SCG3: variants seen among roughly 807,000 people sequenced by gnomAD.
SCG3 encodes secretogranin-3.
In SCG3, 38 loss-of-function variants were observed where a neutral mutation model predicts 56.2. That is an observed-to-expected ratio of 0.68 (90% CI 0.52 to 0.89). SCG3 has a LOEUF of 0.89. Ranked by LOEUF, SCG3 falls within the 40% of genes least tolerant of loss-of-function variation. The pLI is 0.00. For synonymous variants in SCG3, 176 were observed against 184.2 expected (o/e 0.96, Z 0.36); for missense variants, 524 against 540.7 (o/e 0.97, Z 0.31).
intron 10 of SCG3, among the ~76,000 whole-genome samples, chr15:51,708,744 G>C (rs1026049184): frequency 6.6e-6 from 1 of 151,952 alleles, no homozygotes; most frequent in Non-Finnish European, 1.5e-5. Flanking sequence ...AGTAGTCCCA[G>C]CTACTCCGGA....
intron 1 of SCG3, 129 bp downstream of exon 1, chr15:51,681,966 C>A: frequency 3.0e-6 from 2 of 662,986 alleles, no homozygotes; most frequent in Non-Finnish European, 2.7e-6. Flanking sequence ...TGAATACGGA[C>A]AGAGAAATCA....
intron 9 of SCG3, 74 bp from the exon 10 acceptor site, chr15:51,701,033 G>C (rs954007871): frequency 6.4e-7 from 1 of 1,572,758 alleles, no homozygotes; most frequent in African/African-American, 1.4e-5. Context: ...TGTCAATAAA[G>C]TTGATTTCTA....
At chr15:51,701,943 G>C (rs2055342198) in intron 10 of SCG3, among the ~76,000 whole-genome samples, 1 of 152,106 alleles carries the variant, frequency 6.6e-6, no homozygotes. Flanking sequence ...CGTGGGGTCG[G>C]GGGATGGGGG....
chr15:51,699,270 T>C (rs1455895617), intron 8 of SCG3, 49 bp from the exon 9 acceptor site: 1 of 1,320,416 alleles, frequency 7.6e-7, no homozygotes, highest in Non-Finnish European at 1.1e-6. Context: ...AAAAATTTGA[T>C]GTCATCTCTC....
At chr15:51,690,666 C>T (rs1296385757) in intron 6 of SCG3, among the ~76,000 whole-genome samples, 4 of 150,648 alleles carry the variant, frequency 2.7e-5, no homozygotes, top group Non-Finnish European at 4.4e-5. Flanking sequence ...AAAAAAAACC[C>T]TTATGACTTT....
In SCG3 at chr15:51,719,691, C is replaced by A; in HGVS notation, c.*165C>A. 1 of 555,358 alleles carries A rather than the reference C, an allele frequency of 1.8e-6. No individual in the cohort carries two copies. The highest frequency in any genetic ancestry group is 2.5e-5 in the South Asian group (1 of 39,786). The allele number at this position is 555,358 out of a possible 1,614,324, so 34.4% of individuals were successfully genotyped here. A position where few individuals can be genotyped will look rare whatever the true frequency, so the allele number is the denominator to read the frequency against. On this transcript the variant is annotated 3_prime_UTR_variant, in exon 12 of 12. Transcript: ENST00000220478. Reference sequence around the variant, plus strand: ...AGTGGTTAAAACATAGCTTTCTTCCCGTAAAAACTATCTGAAAGTAAAGTT... The same window carrying A: ...AGTGGTTAAAACATAGCTTTCTTCCAGTAAAAACTATCTGAAAGTAAAGTT...
chr15:51,709,133 G>A (rs1158490802), intron 10 of SCG3, among the ~76,000 whole-genome samples: 1 of 152,208 alleles, frequency 6.6e-6, no homozygotes, highest in African/African-American at 2.4e-5. Flanking sequence ...AATCATGGCG[G>A]AAGGGGAAAC....
At position 51,681,774 on chromosome 15, in the gene SCG3, G is replaced by C. The variant is rs1263426827; in HGVS notation, c.19G>C (p.Gly7Arg). 1 of 1,613,920 alleles carries C rather than the reference G, an allele frequency of 6.2e-7. No individual in the cohort carries two copies. Among genetic ancestry groups the C allele is most frequent in the Non-Finnish European group, 8.5e-7 (1 of 1,179,972 alleles). Residue 7 changes from glycine (G) to arginine (R), a missense_variant, in exon 1 of 12, where the codon GGC becomes CGC. Physicochemically the swap from Gly to Arg is moderately radical, Grantham distance 125. Coordinates refer to ENST00000220478, the MANE Select transcript of SCG3 (RefSeq NM_013243.4). The stretch of plus-strand genomic sequence containing the variant: ...TGGAAGAATGGGGTTCCTCGGGACC[G>C]GCACTTGGATTCTGGTGTTAGTGCT... MGFLGT[G>R]TWILVLVLPI...
chr15:51,709,143 C>T (rs1337387283), intron 10 of SCG3, among the ~76,000 whole-genome samples: 1 of 152,174 alleles, frequency 6.6e-6, no homozygotes, highest in South Asian at 2.1e-4. Flanking sequence ...GAAGGGGAAA[C>T]AAACAAGTCC....
Position 51,719,713 on chromosome 15 carries a change from A to T in SCG3, c.*187A>T, listed in dbSNP as rs533998476. The T allele has an allele frequency of 1.5e-4, 84 of 560,312 alleles. No homozygotes were observed. Among genetic ancestry groups the T allele is most frequent in the Admixed American group, 5.3e-4 (16 of 30,090 alleles). The allele number at this position is 560,312 out of a possible 1,614,324, so 34.7% of individuals were successfully genotyped here. A position where few individuals can be genotyped will look rare whatever the true frequency, so the allele number is the denominator to read the frequency against. ...TCCCGTAAAAACTATCTGAAAGTAA[A>T]GTTGTATGTAAGCTGAGATTTTGTA... is the stretch of plus-strand genomic sequence containing the variant. On this transcript the variant is annotated 3_prime_UTR_variant, in exon 12 of 12. Transcript: ENST00000220478.
chr15:51,710,040 TGTAA>T (rs1315031681), intron 10 of SCG3, among the ~76,000 whole-genome samples: 1 of 151,476 alleles, frequency 6.6e-6, no homozygotes, highest in Non-Finnish European at 1.5e-5. Context: ...CCGGCCGGCT[TGTAA>T]GTTTTTTTAA....
chr15:51,702,535 G>A (rs773259502), intron 10 of SCG3, among the ~76,000 whole-genome samples: 2 of 152,180 alleles, frequency 1.3e-5, no homozygotes, highest in African/African-American at 2.4e-5. Flanking sequence ...GGGTTTACAG[G>A]TGTGAGCCAC....
At position 51,700,193 on chromosome 15, in the gene SCG3, C is replaced by T. The variant is rs531813240; in HGVS notation, c.1069+791C>T. Among the ~76,000 whole-genome samples, 7 of 152,056 alleles carry T rather than the reference C, an allele frequency of 4.6e-5. No individual in the cohort carries two copies. The South Asian group carries it at 8.3e-4, about 18-fold the overall frequency. ...TTCCATAATAATGTAATGACACAAG[C>T]GAAGAACAAAATTGTACCACAACTG... On this transcript the variant is annotated intron_variant, in intron 9 of 11. Transcript: ENST00000220478.
Position 51,681,688 on chromosome 15 carries a change from C to T in SCG3, c.-68C>T. The stretch of plus-strand genomic sequence containing the variant: ...TCTTCCTGTTTTTACTCCTCCTTTT[C>T]ATTCATAACAAAAGCTACAGCTCCA... On this transcript the variant is annotated 5_prime_UTR_variant, in exon 1 of 12. Transcript: ENST00000220478. 2.8e-6 allele frequency: 2 copies of T among 719,740 alleles called. No homozygotes were observed. The highest frequency in any genetic ancestry group is 5.5e-5 in the East Asian group (1 of 18,152). The allele number at this position is 719,740 out of a possible 1,614,324, so 44.6% of individuals were successfully genotyped here.
intron 11 of SCG3, among the ~76,000 whole-genome samples, chr15:51,714,210 G>C (rs1197523364): frequency 2.6e-5 from 4 of 152,174 alleles, no homozygotes; most frequent in African/African-American, 9.6e-5. Flanking sequence ...GTGGGCAGTA[G>C]CCATGCCAGG....
chr15:51,715,698 A>C (rs2055450102), intron 11 of SCG3, among the ~76,000 whole-genome samples: 3 of 152,164 alleles, frequency 2.0e-5, no homozygotes, highest in Non-Finnish European at 4.4e-5. Context: ...TTGGCATTAG[A>C]CCAAAGGGCC....
chr15:51,682,892 A>G (rs1421844835), intron 2 of SCG3, among the ~76,000 whole-genome samples, 187 bp from the exon 3 acceptor site: 4 of 152,204 alleles, frequency 2.6e-5, no homozygotes, highest in South Asian at 4.1e-4. Context: ...AGAAATTAAC[A>G]CTGACTGAGC....
chr15:51,692,893 G>T (rs1284930225), intron 7 of SCG3, among the ~76,000 whole-genome samples: 1 of 151,618 alleles, frequency 6.6e-6, no homozygotes, highest in African/African-American at 2.4e-5. Flanking sequence ...TTTTGTGTGT[G>T]TGATGAGAAC....
intron 10 of SCG3, among the ~76,000 whole-genome samples, chr15:51,703,357 A>G (rs1168613995): frequency 6.6e-6 from 1 of 152,198 alleles, no homozygotes; most frequent in Non-Finnish European, 1.5e-5. Context: ...TAATACCTTG[A>G]AACTCAAGAA....
Sources: allele counts gnomAD v4.1 joint callset (sites outside exome capture counted in the v4.1 genomes callset), GRCh38; gene constraint gnomAD v4.1.1; transcripts MANE v1.5; gene names NCBI Gene and HGNC (gene_info 2026-07-23, HGNC 2026-07-21).